The following SLC35F4 variants were observed in gnomAD, a reference collection of about 807,000 sequenced individuals.
SLC35F4 encodes the protein solute carrier family 35 member F4.
Under a neutral mutation model 44.2 loss-of-function variants are expected in SLC35F4, and 24 were observed. The observed-to-expected ratio is 0.54, with a 90% CI of 0.39 to 0.76. SLC35F4 has a LOEUF of 0.76. Among genes scored for constraint, SLC35F4 ranks in the 30% least tolerant of loss-of-function variants. SLC35F4 has a pLI of 0.00. For synonymous variants in SLC35F4, 238 were observed against 223.6 expected, an observed-to-expected ratio of 1.06 and a Z score of -0.57; for missense variants, 562 against 586.1, an observed-to-expected ratio of 0.96 and a Z score of 0.42.
At chr14:57,581,964 T>C (rs238389) in intron 3 of SLC35F4, among the ~76,000 whole-genome samples, 42,631 of 152,116 alleles carry the variant, frequency 0.28, 6,431 homozygotes, top group East Asian at 0.64. Context: ...CCTGCCAGCA[T>C]TTTTAAGGCA....
chr14:57,862,961 C>T (rs921496876), intron 1 of SLC35F4, among the ~76,000 whole-genome samples: 2 of 152,220 alleles, frequency 1.3e-5, no homozygotes, highest in African/African-American at 4.8e-5. Flanking sequence ...GCTCAATTAA[C>T]ACTTGTTGAA....
intron 1 of SLC35F4, among the ~76,000 whole-genome samples, chr14:57,657,286 T>A (rs1170799386): frequency 2.0e-5 from 3 of 152,206 alleles, no homozygotes; most frequent in Non-Finnish European, 4.4e-5. Context: ...TGGGCTTTAA[T>A]CTTGTTTAGG....
At chr14:57,858,864 T>A (rs1199858830) in intron 1 of SLC35F4, among the ~76,000 whole-genome samples, 4 of 146,186 alleles carry the variant, frequency 2.7e-5, no homozygotes, top group African/African-American at 7.6e-5. Context: ...GAGGCTGAGG[T>A]GGGAGGTGTG....
chr14:57,752,619 C>T (rs938262236), intron 1 of SLC35F4, among the ~76,000 whole-genome samples: 3 of 151,992 alleles, frequency 2.0e-5, no homozygotes, highest in East Asian at 3.9e-4. Context: ...CACTACCATA[C>T]CAGGCTAATT....
At chr14:57,846,729 C>A (rs368675724) in intron 1 of SLC35F4, among the ~76,000 whole-genome samples, 369 of 152,266 alleles carry the variant, frequency 2.4e-3, no homozygotes, top group African/African-American at 8.3e-3. Context: ...AAAATAAACT[C>A]ATGAGTTATT....
chr14:57,719,065 T>C (rs1294110446), intron 1 of SLC35F4, among the ~76,000 whole-genome samples: 1 of 152,182 alleles, frequency 6.6e-6, no homozygotes, highest in Non-Finnish European at 1.5e-5. Flanking sequence ...GGATATCTAG[T>C]TTTCTCAGCA....
At chr14:57,963,357 G>C (rs905071662) in intron 1 of SLC35F4, among the ~76,000 whole-genome samples, 1 of 152,158 alleles carries the variant, frequency 6.6e-6, no homozygotes, top group Non-Finnish European at 1.5e-5. Context: ...ACAGATGCAG[G>C]CATGAGCACC....
chr14:57,735,413 C>G (rs111956184), intron 1 of SLC35F4, among the ~76,000 whole-genome samples: 230 of 152,280 alleles, frequency 1.5e-3, no homozygotes, highest in African/African-American at 4.9e-3. Flanking sequence ...TTTATCTGAG[C>G]TCATTCACAC....
At chr14:57,669,305 A>C (rs1348030770) in intron 1 of SLC35F4, among the ~76,000 whole-genome samples, 1 of 151,868 alleles carries the variant, frequency 6.6e-6, no homozygotes, top group African/African-American at 2.4e-5. Context: ...CTCTTTTCCT[A>C]ATTGAATACC....
chr14:57,969,962 A>T (rs1164406874), intron 1 of SLC35F4, among the ~76,000 whole-genome samples: 1 of 152,204 alleles, frequency 6.6e-6, no homozygotes, highest in Non-Finnish European at 1.5e-5. Flanking sequence ...TCCCAAGGGG[A>T]TAAAGACAAA....
chr14:57,803,461 C>T (rs1880901585), intron 1 of SLC35F4, among the ~76,000 whole-genome samples: 1 of 151,916 alleles, frequency 6.6e-6, no homozygotes. Context: ...CCAGGGCAAG[C>T]ATGCAAGAGA....
chr14:57,860,040 G>A (rs1271131628), intron 1 of SLC35F4, among the ~76,000 whole-genome samples: 2 of 152,108 alleles, frequency 1.3e-5, no homozygotes, highest in African/African-American at 2.4e-5. Context: ...CACCAAAGAT[G>A]GTAATGCCAT....
intron 1 of SLC35F4, among the ~76,000 whole-genome samples, chr14:57,838,209 T>A (rs997863002): frequency 2.6e-5 from 4 of 152,184 alleles, no homozygotes; most frequent in Non-Finnish European, 5.9e-5. Flanking sequence ...CCACTCTTCC[T>A]GGGCAGGTTT....
At position 57,609,565 on chromosome 14, in the gene SLC35F4, T is replaced by C. The variant is rs151169164; in HGVS notation, c.104-15441A>G. On this transcript the variant is annotated intron_variant, in intron 1 of 7. Transcript: ENST00000556826. Reference sequence around the variant, plus strand: ...CCCATGTGAGGCGAATTATGGGAGCTATGCAAGTATTAGAATGCTTAATGT... The same window carrying C: ...CCCATGTGAGGCGAATTATGGGAGCCATGCAAGTATTAGAATGCTTAATGT... Among the ~76,000 whole-genome samples, 829 of 152,360 alleles carry C rather than the reference T, an allele frequency of 5.4e-3. 7 individuals carry two copies. The highest frequency in any genetic ancestry group is 0.02 in the Middle Eastern group (6 of 294).
intron 1 of SLC35F4, among the ~76,000 whole-genome samples, chr14:57,920,532 G>A (rs569198108): frequency 6.6e-6 from 1 of 152,212 alleles, no homozygotes; most frequent in South Asian, 2.1e-4. Flanking sequence ...ATGATCACAC[G>A]ATTGCACTGC....
At chr14:57,792,327 C>A (rs1054197796) in intron 1 of SLC35F4, among the ~76,000 whole-genome samples, 6 of 152,124 alleles carry the variant, frequency 3.9e-5, no homozygotes, top group African/African-American at 1.4e-4. Context: ...TAAACTAGTG[C>A]AGCCACTATG....
At chr14:57,954,530 G>A (rs1466834795) in intron 1 of SLC35F4, among the ~76,000 whole-genome samples, 2 of 152,046 alleles carry the variant, frequency 1.3e-5, no homozygotes, top group East Asian at 3.9e-4. Context: ...CCGCCAGCCA[G>A]ACTAATAAAG....
intron 1 of SLC35F4, among the ~76,000 whole-genome samples, chr14:57,840,136 C>A (rs1885350504): frequency 6.6e-6 from 1 of 152,140 alleles, no homozygotes; most frequent in Non-Finnish European, 1.5e-5. Context: ...TTTTAATATT[C>A]ATATTTCCAA....
chr14:57,811,069 C>T (rs1410250669), intron 1 of SLC35F4, among the ~76,000 whole-genome samples: 1 of 152,192 alleles, frequency 6.6e-6, no homozygotes, highest in Non-Finnish European at 1.5e-5. Context: ...TCTGGCAGAG[C>T]TAAGCAGGAG....
Sources: gnomAD v4.1 joint callset for allele counts (sites outside exome capture counted in the v4.1 genomes callset) on GRCh38, gnomAD v4.1.1 for gene constraint, MANE v1.5 for transcripts, NCBI Gene and HGNC (gene_info 2026-07-23, HGNC 2026-07-21) for gene names.